The following DMXL1 variants were observed in gnomAD, a reference collection of about 807,000 sequenced individuals.
DMXL1 encodes the protein Dmx like 1, also known as dmX-like protein 1.
In DMXL1, 99 loss-of-function variants were observed where a neutral mutation model predicts 319.2. That is an observed-to-expected ratio of 0.31 (90% confidence interval 0.26 to 0.37). DMXL1 has a LOEUF of 0.37. Ranked by LOEUF, DMXL1 falls within the 10% of genes least tolerant of loss-of-function variation. The pLI is 1.00. For missense variants in DMXL1, 3,745 were observed against 3,595.6 expected (o/e 1.04, Z -1.06); for synonymous variants, 1,385 against 1,235.2 (o/e 1.12, Z -2.54).
rs1043519318 is a variant in DMXL1, at chr5:119,193,742, G to T, written c.7315-86G>T. 25 of 1,310,484 alleles carry T rather than the reference G, an allele frequency of 1.9e-5. No homozygotes were observed. In the African/African-American group the frequency reaches 3.6e-4, roughly 19 times the overall value. 81.2% of individuals were successfully genotyped at this position (1,310,484 alleles called of 1,614,324 possible). Reference sequence around the variant, plus strand: ...CTCTTATAATGAAGTATCTGCAAATGAGATGAATTATTACTATTAGACTGT... The same window carrying T: ...CTCTTATAATGAAGTATCTGCAAATTAGATGAATTATTACTATTAGACTGT... On this transcript the variant is annotated intron_variant, in intron 29 of 43. Transcript: ENST00000539542.
intron 28 of DMXL1, among the ~76,000 whole-genome samples, chr5:119,179,190 T>G (rs574757361): frequency 2.0e-5 from 3 of 152,258 alleles, no homozygotes; most frequent in African/African-American, 7.2e-5. Flanking sequence ...TGTGATAATC[T>G]TAGTTTTCCA....
intron 1 of DMXL1, among the ~76,000 whole-genome samples, chr5:119,093,176 T>A (rs1173197404): frequency 6.6e-6 from 1 of 152,198 alleles, no homozygotes; most frequent in African/African-American, 2.4e-5. Flanking sequence ...TCTCAAAATA[T>A]TTCAAACTTT....
chr5:119,131,414 C>T (rs1454778762), intron 10 of DMXL1, among the ~76,000 whole-genome samples: 2 of 152,056 alleles, frequency 1.3e-5, no homozygotes, highest in African/African-American at 4.8e-5. Flanking sequence ...AAATGCATTT[C>T]CTTGAAATGA....
intron 4 of DMXL1, among the ~76,000 whole-genome samples, chr5:119,109,486 G>T (rs551235862): frequency 2.4e-4 from 36 of 152,004 alleles, no homozygotes; most frequent in Non-Finnish European, 4.4e-4. Context: ...AAGTCCAAAC[G>T]CTGTGAACTT....
At chr5:119,122,276 C>T (rs1441634671) in intron 9 of DMXL1, among the ~76,000 whole-genome samples, 10 of 146,056 alleles carry the variant, frequency 6.8e-5, no homozygotes, top group African/African-American at 2.0e-4. Context: ...GACCACCCCA[C>T]CTCCCTCCCG....
chr5:119,220,357 T>C (rs1447412311), intron 35 of DMXL1, 115 bp from the exon 36 acceptor site: 16 of 839,746 alleles, frequency 1.9e-5, no homozygotes, highest in Non-Finnish European at 2.9e-5. Flanking sequence ...CTGTATATCC[T>C]GTACTTTAGT....
rs556935316 is a variant in DMXL1 at position 119,203,669 on chromosome 5, G to A, written c.7863+233G>A. 1.3e-4 allele frequency among the ~76,000 whole-genome samples: 20 copies of A among 152,028 alleles called. No homozygotes were observed. In the South Asian group the frequency reaches 3.3e-3, roughly 25 times the overall value. On this transcript the variant is annotated intron_variant, in intron 33 of 43. Coordinates refer to ENST00000539542, the MANE Select transcript of DMXL1 (RefSeq NM_001290321.3). ...TCTCGATAAAAATGTTTAATATTCC[G>A]CATCTTGTTTTGAATTGTCATGATC... is the stretch of plus-strand genomic sequence containing the variant.
At chr5:119,230,876 C>T (rs112903873) in intron 38 of DMXL1, among the ~76,000 whole-genome samples, 66 of 152,130 alleles carry the variant, frequency 4.3e-4, no homozygotes, top group South Asian at 1.7e-3. Flanking sequence ...AACAAGACTC[C>T]GTCTCAAAAT....
At chr5:119,073,564 T>A (rs1017480979) in intron 1 of DMXL1, among the ~76,000 whole-genome samples, 5 of 152,238 alleles carry the variant, frequency 3.3e-5, no homozygotes, top group Non-Finnish European at 7.3e-5. Context: ...TACCATCATG[T>A]AGCTTGTTGC....
At chr5:119,116,962 A>G (rs1760985007) in intron 7 of DMXL1, among the ~76,000 whole-genome samples, 1 of 151,988 alleles carries the variant, frequency 6.6e-6, no homozygotes, top group Admixed American at 6.6e-5. Context: ...GAATTTTAGT[A>G]GGTTATAGAG....
chr5:119,156,411 T>G (rs1249496319), intron 19 of DMXL1, among the ~76,000 whole-genome samples: 1 of 152,196 alleles, frequency 6.6e-6, no homozygotes, highest in Admixed American at 6.5e-5. Context: ...TATTGCAATA[T>G]TTGCTTTATT....
At chr5:119,218,099 A>G (rs901980969) in intron 35 of DMXL1, among the ~76,000 whole-genome samples, 2 of 152,142 alleles carry the variant, frequency 1.3e-5, no homozygotes. Context: ...ATTATTGGCC[A>G]GGTGTGGTTG....
intron 18 of DMXL1, among the ~76,000 whole-genome samples, chr5:119,151,205 G>A (rs1769716610): frequency 6.6e-6 from 1 of 151,568 alleles, no homozygotes; most frequent in South Asian, 2.1e-4. Context: ...AATGTAATTA[G>A]GTCTTTTCCT....
At chr5:119,166,267 T>C (rs1581117424) in intron 21 of DMXL1, among the ~76,000 whole-genome samples, 1 of 152,328 alleles carries the variant, frequency 6.6e-6, no homozygotes, top group Non-Finnish European at 1.5e-5. Context: ...TTTTTATCTC[T>C]TAGGTCATTC....
intron 28 of DMXL1, among the ~76,000 whole-genome samples, chr5:119,179,336 A>G (rs1003929336): frequency 6.7e-6 from 1 of 148,304 alleles, no homozygotes; most frequent in Non-Finnish European, 1.5e-5. Context: ...CTATGCATAC[A>G]TTTGAGAGAA....
chr5:119,111,035 C>T (rs939860654), intron 5 of DMXL1, among the ~76,000 whole-genome samples: 32 of 152,262 alleles, frequency 2.1e-4, no homozygotes, highest in African/African-American at 7.0e-4. Flanking sequence ...GTGATCTGCC[C>T]GCCTCAGCCT....
At chr5:119,198,016 TCTCG>T in intron 32 of DMXL1, 60 bp downstream of exon 32, 1 of 1,520,800 alleles carries the variant, frequency 6.6e-7, no homozygotes, top group Non-Finnish European at 9.1e-7. Flanking sequence ...TGAGATGGTG[TCTCG>T]CTCTGTCATC....
intron 1 of DMXL1, among the ~76,000 whole-genome samples, chr5:119,091,822 C>T (rs544273437): frequency 2.0e-4 from 31 of 152,332 alleles, no homozygotes; most frequent in African/African-American, 6.7e-4. Context: ...GGTGTTACTA[C>T]TGAACAGCCT....
chr5:119,179,306 CAAAA>C (rs137904079), intron 28 of DMXL1, among the ~76,000 whole-genome samples: 2 of 119,104 alleles, frequency 1.7e-5, no homozygotes, highest in Non-Finnish European at 1.8e-5. Context: ...AATGTTTTTC[CAAAA>C]AAAAAAAAAA....
Sources: allele counts gnomAD v4.1 joint callset (sites outside exome capture counted in the v4.1 genomes callset), GRCh38; gene constraint gnomAD v4.1.1; transcripts MANE v1.5; gene names NCBI Gene and HGNC (gene_info 2026-07-23, HGNC 2026-07-21).